Variants in PPARA observed in about 807,000 individuals in gnomAD.
PPARA encodes peroxisome proliferator-activated receptor alpha.
PPARA carries 22 observed loss-of-function variants against 42.2 expected under a neutral mutation model. That is an observed-to-expected ratio of 0.52 (90% confidence interval 0.37 to 0.74). The LOEUF (loss-of-function observed/expected upper bound fraction) is 0.74, where lower values mean the gene tolerates loss of function less well. PPARA is among the 30% of genes least tolerant of loss of function. The pLI is 0.00. For missense variants in PPARA, 465 were observed against 608.2 expected (o/e 0.76, Z 2.48); for synonymous variants, 242 against 239.3 (o/e 1.01, Z -0.10).
rs1233913016 is a variant in PPARA at position 46,215,177 on chromosome 22, G to A, written c.213G>A (p.Thr71=). 9 of 1,613,692 alleles carry A rather than the reference G, an allele frequency of 5.6e-6. No individual in the cohort carries two copies. The highest frequency in any genetic ancestry group is 7.6e-6 in the Non-Finnish European group (9 of 1,179,994). The change falls in exon 5 of 9, where the codon ACG becomes ACA. Residue 71 remains threonine (T), a synonymous_variant. Transcript: ENST00000407236. ...GTCTCTCCTCTTTTTCCCCAGACAC[G>A]CTTTCACCAGCTTCGAGCCCCTCCT... ...PGSDGSVITD[T]LSPASSPSSV...
At chr22:46,169,223 A>G (rs1737094136) in intron 2 of PPARA, among the ~76,000 whole-genome samples, 3 of 151,956 alleles carry the variant, frequency 2.0e-5, no homozygotes, top group Non-Finnish European at 4.4e-5. Flanking sequence ...CATCAGTGGC[A>G]ACAAATGTAC....
chr22:46,229,660 C>A (rs1935733584), intron 7 of PPARA, among the ~76,000 whole-genome samples: 1 of 152,118 alleles, frequency 6.6e-6, no homozygotes, highest in Admixed American at 6.5e-5. Context: ...CTTTAACAAA[C>A]AATGGTCAGA....
rs1934690839 is a variant in PPARA, at chr22:46,218,386, G to A, written c.493G>A (p.Gly165Arg). ...TCGATTTCACAAGTGCCTTTCTGTC[G>A]GGATGTCACACAACGGTAGGTAAGG... ...YCRFHKCLSV[G>R]MSHNAIRFGR... The change falls in exon 6 of 9, where the codon GGG becomes AGG. Residue 165 changes from glycine (G) to arginine (R), a missense_variant. Gly to Arg is a moderately radical substitution (Grantham distance 125). Coordinates refer to ENST00000407236, the MANE Select transcript of PPARA (RefSeq NM_005036.6). 1.2e-6 allele frequency: 2 copies of A among 1,614,062 alleles called. No individual in the cohort carries two copies. Among genetic ancestry groups the A allele is most frequent in the East Asian group, 2.2e-5 (1 of 44,882 alleles).
rs1332183733 is a variant in PPARA, at chr22:46,242,107, C to G, written c.*6727C>G. 6.6e-6 allele frequency: 1 copy of G among 152,084 alleles called. No individual in the cohort carries two copies. The highest frequency in any genetic ancestry group is 1.5e-5 in the Non-Finnish European group (1 of 68,018). 9.4% of individuals were successfully genotyped at this position (152,084 alleles called of 1,614,324 possible). On this transcript the variant is annotated 3_prime_UTR_variant, in exon 9 of 9. Transcript: ENST00000407236. This position sits in a 1 kb window ranked among gnomAD's most constrained non-coding sequence, Gnocchi z 6.1. ...CCTCTTCTGCCCACACATCCAGCAT[C>G]CAAAATCCATTCATTTAATGAATTG...
rs566992180 is a variant in PPARA, at chr22:46,161,517, C to T, written c.-127+9547C>T. 3.9e-5 allele frequency among the ~76,000 whole-genome samples: 6 copies of T among 152,144 alleles called. No homozygotes were observed. The highest frequency in any genetic ancestry group is 1.9e-4 in the East Asian group (1 of 5,178). On this transcript the variant is annotated intron_variant, in intron 2 of 8. Transcript: ENST00000407236. The surrounding 1 kb of genome is among the most constrained non-coding windows in gnomAD (Gnocchi z 4.8). ...AGGAGAATCACTTGAACCCGGGAGG[C>T]GGAGGCTGCAGTGAACCAAGATTGT...
In PPARA at chr22:46,240,963, G is replaced by A. The variant is rs370360460; in HGVS notation, c.*5583G>A. 8 of 152,338 alleles carry A rather than the reference G, an allele frequency of 5.3e-5. No individual in the cohort carries two copies. Among genetic ancestry groups the A allele is most frequent in the African/African-American group, 1.9e-4 (8 of 41,564 alleles). The allele number at this position is 152,338 out of a possible 1,614,324, so 9.4% of individuals were successfully genotyped here. A position where few individuals can be genotyped will look rare whatever the true frequency, so the allele number is the denominator to read the frequency against. ...ACATCTGTGGCAGAAAAGGCTATAC[G>A]GACCACCCAGTTGTGCTGCAGCTTT... On this transcript the variant is annotated 3_prime_UTR_variant, in exon 9 of 9. Transcript: ENST00000407236. This position sits in a 1 kb window ranked among gnomAD's most constrained non-coding sequence, Gnocchi z 6.0.
chr22:46,215,528 A>G (rs1219137169), intron 5 of PPARA, among the ~76,000 whole-genome samples, 195 bp downstream of exon 5: 5 of 152,190 alleles, frequency 3.3e-5, no homozygotes, highest in African/African-American at 1.2e-4. Context: ...ACCTGAGATC[A>G]GGAGTTCGAT....
rs910250947 is a variant in PPARA at position 46,150,723 on chromosome 22, C to G, written c.-210+71C>G. On this transcript the variant is annotated intron_variant, in intron 1 of 8. Transcript: ENST00000407236. The surrounding 1 kb of genome is among the most constrained non-coding windows in gnomAD (Gnocchi z 7.5). ...TCCGCGGTCCGGGCTTCCCAGGTCC[C>G]GGGACCCGGAGGGCGGCGGACGGGG... is the stretch of plus-strand genomic sequence containing the variant. 1 of 145,058 alleles carries G rather than the reference C, an allele frequency of 6.9e-6. No individual in the cohort carries two copies. Among genetic ancestry groups the G allele is most frequent in the South Asian group, 2.3e-4 (1 of 4,316 alleles). 9.0% of individuals were successfully genotyped at this position (145,058 alleles called of 1,614,324 possible). A position where few individuals can be genotyped will look rare whatever the true frequency, so the allele number is the denominator to read the frequency against.
In PPARA at chr22:46,204,703, G is replaced by A. The variant is rs1303721149; in HGVS notation, c.208+6112G>A. ...CAAAGCCTTTGCTCATTTTTTAATT[G>A]AGTTGCTTTTCTACTATTCACTATT... On this transcript the variant is annotated intron_variant, in intron 4 of 8. Transcript: ENST00000407236. This position sits in a 1 kb window ranked among gnomAD's most constrained non-coding sequence, Gnocchi z 5.2. 6.6e-6 allele frequency among the ~76,000 whole-genome samples: 1 copy of A among 151,884 alleles called. No individual in the cohort carries two copies. The highest frequency in any genetic ancestry group is 2.4e-5 in the African/African-American group (1 of 41,352).
At chr22:46,214,318 T>G (rs889041033) in intron 4 of PPARA, among the ~76,000 whole-genome samples, 1 of 146,534 alleles carries the variant, frequency 6.8e-6, no homozygotes, top group African/African-American at 2.5e-5. Context: ...GTCCGATGTG[T>G]GGGTCCGGAG....
At chr22:46,228,165 GC>G (rs1935601540) in intron 7 of PPARA, among the ~76,000 whole-genome samples, 3 of 152,212 alleles carry the variant, frequency 2.0e-5, no homozygotes, top group Admixed American at 1.3e-4. Flanking sequence ...GTTTAACGAT[GC>G]CCCCAGCCTA....
chr22:46,181,313 G>A (rs1555208), intron 3 of PPARA, among the ~76,000 whole-genome samples: 10 of 152,194 alleles, frequency 6.6e-5, no homozygotes, highest in Middle Eastern at 3.4e-3. Context: ...GCTCTGAGGC[G>A]AGTGTGTGAT....
In PPARA at chr22:46,239,012, G is replaced by A. The variant is rs1299050884; in HGVS notation, c.*3632G>A. On this transcript the variant is annotated 3_prime_UTR_variant, in exon 9 of 9. Coordinates refer to ENST00000407236, the MANE Select transcript of PPARA (RefSeq NM_005036.6). ...GAAGAGTATAAAGCATCTTCCTAAC[G>A]GGTGTGTTTGCTATACGAACATAAT... is the stretch of plus-strand genomic sequence containing the variant. 5.9e-5 allele frequency: 9 copies of A among 152,130 alleles called. No homozygotes were observed. The highest frequency in any genetic ancestry group is 5.9e-5 in the Non-Finnish European group (4 of 68,044). 9.4% of individuals were successfully genotyped at this position (152,130 alleles called of 1,614,324 possible). A position where few individuals can be genotyped will look rare whatever the true frequency, so the allele number is the denominator to read the frequency against.
Position 46,167,679 on chromosome 22 carries a change from T to C in PPARA, c.-126-9074T>C, listed in dbSNP as rs1927280980. On this transcript the variant is annotated intron_variant, in intron 2 of 8. Coordinates refer to ENST00000407236, the MANE Select transcript of PPARA (RefSeq NM_005036.6). This position sits in a 1 kb window ranked among gnomAD's most constrained non-coding sequence, Gnocchi z 4.1. ...AAAAAGAGTTAAAACTATAAAACCTTCAGAAGAAAACATATGAGAAAATTC... is the reference window on the plus strand; with the variant it reads ...AAAAAGAGTTAAAACTATAAAACCTCCAGAAGAAAACATATGAGAAAATTC... Among the ~76,000 whole-genome samples, 1 of 151,726 alleles carries C rather than the reference T, an allele frequency of 6.6e-6. No homozygotes were observed. The highest frequency in any genetic ancestry group is 2.4e-5 in the African/African-American group (1 of 41,272).
rs985854800 is a variant in PPARA at position 46,162,801 on chromosome 22, G to C, written c.-127+10831G>C. ...TTCCTTGCTGCTCCCCCAAACTAGA[G>C]GCAGGAGTTTTGTCCTTCAGATAAC... is the stretch of plus-strand genomic sequence containing the variant. On this transcript the variant is annotated intron_variant, in intron 2 of 8. Coordinates refer to ENST00000407236, the MANE Select transcript of PPARA (RefSeq NM_005036.6). This position sits in a 1 kb window ranked among gnomAD's most constrained non-coding sequence, Gnocchi z 6.0. Among the ~76,000 whole-genome samples the C allele has an allele frequency of 2.1e-4, 32 of 152,332 alleles. No individual in the cohort carries two copies. Among genetic ancestry groups the C allele is most frequent in the Admixed American group, 2.1e-3 (32 of 15,306 alleles).
intron 3 of PPARA, among the ~76,000 whole-genome samples, chr22:46,185,915 A>T (rs1376128443): frequency 2.1e-5 from 1 of 47,142 alleles, no homozygotes; most frequent in African/African-American, 1.1e-4. Context: ...AAAAAAAAAA[A>T]AATATATATA....
At chr22:46,151,613 G>C (rs576644820) in intron 1 of PPARA, among the ~76,000 whole-genome samples, 2 of 152,258 alleles carry the variant, frequency 1.3e-5, no homozygotes, top group South Asian at 4.1e-4. Flanking sequence ...AATGGCCTGG[G>C]CTTCGTGGGA....
intron 2 of PPARA, chr22:46,155,023 A>G (rs911067663): frequency 2.1e-5 from 3 of 144,990 alleles, no homozygotes; most frequent in African/African-American, 7.7e-5. Flanking sequence ...AAAAAAAAAA[A>G]AAAACCACAT....
intron 2 of PPARA, among the ~76,000 whole-genome samples, chr22:46,152,643 G>T (rs1012278315): frequency 6.6e-6 from 1 of 152,214 alleles, no homozygotes; most frequent in East Asian, 1.9e-4. Context: ...ATATTAAGCA[G>T]ATGGCTTCTT....
Sources: allele counts gnomAD v4.1 joint callset (sites outside exome capture counted in the v4.1 genomes callset), GRCh38; gene constraint gnomAD v4.1.1; non-coding constraint Gnocchi (gnomAD v3.1); transcripts MANE v1.5; gene names NCBI Gene and HGNC (gene_info 2026-07-23, HGNC 2026-07-21).